Variants in STPG2 observed in about 807,000 individuals in gnomAD.
The protein encoded by STPG2 is sperm-tail PG-rich repeat-containing protein 2.
In STPG2, 56 loss-of-function variants were observed where a neutral mutation model predicts 54.2. The ratio of observed to expected loss-of-function variants is 1.03; its 90% CI spans 0.83 to 1.29. The LOEUF is 1.29. STPG2 is among the 50% of genes most tolerant of loss of function. The pLI, the probability that STPG2 is intolerant of heterozygous loss-of-function variation, is 0.00. For synonymous variants in STPG2, 200 were observed against 181.8 expected, an observed-to-expected ratio of 1.10 and a Z score of -0.81; for missense variants, 596 against 544.9, an observed-to-expected ratio of 1.09 and a Z score of -0.93.
chr4:97,656,334 C>T (rs1722217887), intron 10 of STPG2, among the ~76,000 whole-genome samples: 1 of 152,014 alleles, frequency 6.6e-6, no homozygotes, highest in South Asian at 2.1e-4. Flanking sequence ...CATTCAAATG[C>T]CAAGAAGGTT....
intron 5 of STPG2, among the ~76,000 whole-genome samples, chr4:97,997,952 G>A (rs750801709): frequency 9.2e-5 from 14 of 152,136 alleles, no homozygotes; most frequent in Non-Finnish European, 1.6e-4. Context: ...AGATAAATCC[G>A]ACTGCCTATG....
At chr4:98,024,222 C>G (rs566339305) in intron 5 of STPG2, among the ~76,000 whole-genome samples, 2 of 152,190 alleles carry the variant, frequency 1.3e-5, no homozygotes, top group Non-Finnish European at 2.9e-5. Flanking sequence ...CATGTAGTAT[C>G]TTTATAGCAC....
At chr4:97,629,929 C>A (rs994081018) in intron 10 of STPG2, among the ~76,000 whole-genome samples, 2 of 151,820 alleles carry the variant, frequency 1.3e-5, no homozygotes, top group Non-Finnish European at 2.9e-5. Context: ...ACTGATATGC[C>A]CATTATTCCA....
intron 8 of STPG2, among the ~76,000 whole-genome samples, chr4:97,922,153 CT>C (rs1732133443): frequency 1.3e-5 from 2 of 152,040 alleles, no homozygotes; most frequent in Non-Finnish European, 2.9e-5. Context: ...TTGTTAAGAT[CT>C]TAAATGTTCT....
intron 10 of STPG2, among the ~76,000 whole-genome samples, chr4:97,593,099 G>A (rs546456708): frequency 6.6e-6 from 1 of 152,194 alleles, no homozygotes; most frequent in East Asian, 1.9e-4. Context: ...TCCCAGCCTG[G>A]CCACACCTAT....
chr4:97,941,217 C>G (rs551591534), intron 8 of STPG2, among the ~76,000 whole-genome samples: 11 of 151,868 alleles, frequency 7.2e-5, no homozygotes, highest in Non-Finnish European at 1.6e-4. Flanking sequence ...TACCCAGCGA[C>G]TTTACTCTGT....
chr4:97,692,804 C>G (rs1357649438), intron 10 of STPG2, among the ~76,000 whole-genome samples: 8 of 152,122 alleles, frequency 5.3e-5, no homozygotes, highest in African/African-American at 1.9e-4. Context: ...GCAAAAGCAT[C>G]AGGTAACCTA....
Position 98,045,702 on chromosome 4 carries a change from ATATT to A in STPG2, c.612+60247_612+60250del, listed in dbSNP as rs537225442. Among the ~76,000 whole-genome samples the A allele has an allele frequency of 4.6e-3, 707 of 152,214 alleles. 4 individuals carry two copies. The highest frequency in any genetic ancestry group is 0.025 in the South Asian group (118 of 4,814). ...TGACCTGCAAGATTTTTGCTAAAAA[ATATT>A]TATTTATTTATTTATCTATTTTAAT... On this transcript the variant is annotated intron_variant, in intron 5 of 10. Coordinates refer to ENST00000295268, the MANE Select transcript of STPG2 (RefSeq NM_174952.3).
At chr4:97,593,367 C>A (rs561644707) in intron 10 of STPG2, among the ~76,000 whole-genome samples, 2 of 152,164 alleles carry the variant, frequency 1.3e-5, no homozygotes, top group Non-Finnish European at 2.9e-5. Context: ...CAATGGTGTG[C>A]GTGTGTGCAC....
At chr4:97,608,873 C>T (rs941184415) in intron 10 of STPG2, among the ~76,000 whole-genome samples, 1 of 152,006 alleles carries the variant, frequency 6.6e-6, no homozygotes, top group East Asian at 1.9e-4. Context: ...TTTGGCATGT[C>T]GCTCTCATGA....
intron 10 of STPG2, among the ~76,000 whole-genome samples, chr4:97,654,880 A>G (rs1722178102): frequency 6.6e-6 from 1 of 152,138 alleles, no homozygotes; most frequent in Non-Finnish European, 1.5e-5. Flanking sequence ...TAAAAATGAT[A>G]TAATCTATAT....
chr4:98,021,976 G>T (rs1736221094), intron 5 of STPG2, among the ~76,000 whole-genome samples: 1 of 151,576 alleles, frequency 6.6e-6, no homozygotes, highest in African/African-American at 2.4e-5. Context: ...TATCCAATTT[G>T]CCAGTCTGTG....
chr4:97,496,340 G>T (rs534617865), intron 4 of STPG2, among the ~76,000 whole-genome samples: 1 of 151,758 alleles, frequency 6.6e-6, no homozygotes, highest in Non-Finnish European at 1.5e-5. Context: ...TCCCTAGGCA[G>T]ACAAAATAGA....
chr4:97,719,713 C>T (rs979062451), intron 9 of STPG2, among the ~76,000 whole-genome samples: 1 of 151,866 alleles, frequency 6.6e-6, no homozygotes, highest in Non-Finnish European at 1.5e-5. Flanking sequence ...TTGAGCTGAA[C>T]TGAACTGAAT....
intron 9 of STPG2, among the ~76,000 whole-genome samples, chr4:97,793,016 G>T (rs758832270): frequency 1.3e-5 from 2 of 151,924 alleles, no homozygotes; most frequent in Admixed American, 1.3e-4. Context: ...AGCCAGGCTT[G>T]GTGGGGAGTC....
chr4:97,625,177 T>C (rs1424552088), intron 10 of STPG2, among the ~76,000 whole-genome samples: 1 of 152,218 alleles, frequency 6.6e-6, no homozygotes, highest in African/African-American at 2.4e-5. Flanking sequence ...ACTAATGTAA[T>C]AGACATCTTA....
At chr4:97,910,246 A>G (rs1229880958) in intron 8 of STPG2, among the ~76,000 whole-genome samples, 1 of 152,184 alleles carries the variant, frequency 6.6e-6, no homozygotes, top group Non-Finnish European at 1.5e-5. Context: ...CTCATCCTGT[A>G]CTAAGTAAAT....
At chr4:97,827,577 C>A (rs1328483218) in intron 9 of STPG2, among the ~76,000 whole-genome samples, 1 of 152,076 alleles carries the variant, frequency 6.6e-6, no homozygotes, top group South Asian at 2.1e-4. Context: ...TCCTGTGAAC[C>A]AAATTTGAGG....
chr4:97,962,896 C>T (rs1026784802), intron 7 of STPG2, among the ~76,000 whole-genome samples: 1 of 152,190 alleles, frequency 6.6e-6, no homozygotes, highest in African/African-American at 2.4e-5. Flanking sequence ...TGTGGTGGCT[C>T]ACGCCTATAA....
Sources: gnomAD v4.1 joint callset for allele counts (sites outside exome capture counted in the v4.1 genomes callset) on GRCh38, gnomAD v4.1.1 for gene constraint, MANE v1.5 for transcripts, NCBI Gene and HGNC (gene_info 2026-07-23, HGNC 2026-07-21) for gene names.